The following DNER variants were observed in gnomAD, a reference collection of about 807,000 sequenced individuals.
DNER encodes delta and Notch-like epidermal growth factor-related receptor.
DNER carries 33 observed loss-of-function variants against 78.2 expected under a neutral mutation model. The ratio of observed to expected loss-of-function variants is 0.42; its 90% CI spans 0.32 to 0.56. The LOEUF is 0.56. DNER is among the 20% of genes least tolerant of loss of function. DNER has a pLI of 0.11. For missense variants in DNER, 918 were observed against 975.3 expected (o/e 0.94, Z 0.78); for synonymous variants, 417 against 384.8 (o/e 1.08, Z -0.98).
intron 4 of DNER, among the ~76,000 whole-genome samples, chr2:229,577,691 T>G (rs1697328463): frequency 6.6e-6 from 1 of 152,048 alleles, no homozygotes; most frequent in South Asian, 2.1e-4. Flanking sequence ...AGTTTTCTGA[T>G]CCAAAGGAGA....
chr2:229,427,921 A>G (rs1443786650), intron 8 of DNER, among the ~76,000 whole-genome samples: 1 of 152,008 alleles, frequency 6.6e-6, no homozygotes, highest in Non-Finnish European at 1.5e-5. Flanking sequence ...CTAAAAATGC[A>G]AAAATTAGCC....
rs150035332 is a variant in DNER, at chr2:229,366,910, C to T, written c.2065G>A (p.Glu689Lys). 9.9e-6 allele frequency: 16 copies of T among 1,614,062 alleles called. No homozygotes were observed. Among genetic ancestry groups the T allele is most frequent in the East Asian group, 4.5e-5 (2 of 44,896 alleles). Reference sequence around the variant, plus strand: ...ATGGATGCAATGGCATTGCTGAACTCGCTGTCGATGCTGCGGCAGTTGTAG... The same window carrying T: ...ATGGATGCAATGGCATTGCTGAACTTGCTGTCGATGCTGCGGCAGTTGTAG... ...EFYNCRSIDSEFSNAIASIRH... is the reference protein window; with the variant it reads ...EFYNCRSIDSKFSNAIASIRH... The change falls in exon 12 of 13, where the codon GAG (glutamate) becomes AAG (lysine). Residue 689 changes from glutamate to lysine, a missense_variant. By Grantham distance (56) the Glu-to-Lys change is moderately conservative (BLOSUM62 1). Coordinates refer to ENST00000341772, the MANE Select transcript of DNER (RefSeq NM_139072.4).
At chr2:229,571,657 C>T (rs565110609) in intron 4 of DNER, among the ~76,000 whole-genome samples, 1 of 152,234 alleles carries the variant, frequency 6.6e-6, no homozygotes, top group South Asian at 2.1e-4. Context: ...GCCAAAAACA[C>T]ATCCAAATGC....
chr2:229,657,754 T>G (rs1199197134), intron 1 of DNER, among the ~76,000 whole-genome samples: 1 of 152,212 alleles, frequency 6.6e-6, no homozygotes, highest in East Asian at 1.9e-4. Flanking sequence ...TCTCCATCTC[T>G]GAGAGCTAAA....
chr2:229,399,210 A>T (rs942123396), intron 10 of DNER, among the ~76,000 whole-genome samples: 5 of 151,946 alleles, frequency 3.3e-5, no homozygotes, highest in Admixed American at 2.0e-4. Flanking sequence ...AAGTTCAGCA[A>T]GGTCACAGGA....
At chr2:229,407,437 G>T in intron 9 of DNER, 92 bp from the exon 10 acceptor site, 2 of 1,102,734 alleles carry the variant, frequency 1.8e-6, no homozygotes, top group Non-Finnish European at 2.7e-6. Flanking sequence ...CTGGAACAAT[G>T]CGAGGGAGAT....
At chr2:229,596,224 G>A (rs1019899799) in intron 1 of DNER, among the ~76,000 whole-genome samples, 3 of 152,138 alleles carry the variant, frequency 2.0e-5, no homozygotes, top group Admixed American at 6.5e-5. Flanking sequence ...TTATATACAC[G>A]CAGCTGCCAG....
At chr2:229,609,675 C>T (rs757115264) in intron 1 of DNER, among the ~76,000 whole-genome samples, 5 of 152,166 alleles carry the variant, frequency 3.3e-5, no homozygotes, top group Non-Finnish European at 7.3e-5. Flanking sequence ...TCCTAACGTG[C>T]TGGTGGAGGG....
chr2:229,641,162 C>T (rs944523695), intron 1 of DNER, among the ~76,000 whole-genome samples: 26 of 152,250 alleles, frequency 1.7e-4, no homozygotes, highest in Non-Finnish European at 3.1e-4. Context: ...ACAGAAATAT[C>T]GGAAGTCAAC....
rs974615893 is a variant in DNER at position 229,546,864 on chromosome 2, A to G, written c.993+83T>C. 8.9e-6 allele frequency: 14 copies of G among 1,564,858 alleles called. No individual in the cohort carries two copies. The African/African-American group carries it at 1.5e-4, about 17-fold the overall frequency. Reference sequence around the variant, plus strand: ...AGATAGAGCAAGGATGAAAGGGGTAAGAACACACACATACTTATGTATTTA... The same window carrying G: ...AGATAGAGCAAGGATGAAAGGGGTAGGAACACACACATACTTATGTATTTA... On this transcript the variant is annotated intron_variant, in intron 5 of 12. Coordinates refer to ENST00000341772, the MANE Select transcript of DNER (RefSeq NM_139072.4).
rs137920884 is a variant in DNER, at chr2:229,567,136, G to A, written c.847+18722C>T. On this transcript the variant is annotated intron_variant, in intron 4 of 12. Coordinates refer to ENST00000341772, the MANE Select transcript of DNER (RefSeq NM_139072.4). ...CTGCCTACAAGGGGTTTTCCCCATT[G>A]CCTAGTTAATATCTCAGCCTAATAG... 7.7e-4 allele frequency among the ~76,000 whole-genome samples: 118 copies of A among 152,318 alleles called. 1 individual carries two copies. Among genetic ancestry groups the A allele is most frequent in the African/African-American group, 2.6e-3 (110 of 41,574 alleles).
At position 229,427,124 on chromosome 2, in the gene DNER, A is replaced by G. The variant is rs568661879; in HGVS notation, c.1487-8894T>C. Among the ~76,000 whole-genome samples, 4 of 152,370 alleles carry G rather than the reference A, an allele frequency of 2.6e-5. No individual in the cohort carries two copies. The East Asian group carries it at 7.7e-4, about 29-fold the overall frequency. ...AGGACTAAAGACAGAGGCTAAATTA[A>G]AGTTTTTGACTGTAAAACCTCCCTA... On this transcript the variant is annotated intron_variant, in intron 8 of 12. Coordinates refer to ENST00000341772, the MANE Select transcript of DNER (RefSeq NM_139072.4).
intron 1 of DNER, among the ~76,000 whole-genome samples, chr2:229,666,281 A>G (rs191492371): frequency 1.3e-3 from 204 of 152,256 alleles, no homozygotes; most frequent in Non-Finnish European, 2.4e-3. Context: ...GAAATGGAGG[A>G]CACTCTAGAA....
At chr2:229,485,784 A>G (rs1186601257) in intron 6 of DNER, among the ~76,000 whole-genome samples, 3 of 152,112 alleles carry the variant, frequency 2.0e-5, no homozygotes, top group Non-Finnish European at 4.4e-5. Flanking sequence ...GTTTTTGTGT[A>G]TGATGTTTAC....
intron 1 of DNER, among the ~76,000 whole-genome samples, chr2:229,680,057 C>T (rs1382302866): frequency 6.6e-6 from 1 of 152,196 alleles, no homozygotes; most frequent in East Asian, 1.9e-4. Flanking sequence ...CAAGCCCACA[C>T]AATCATGAAG....
intron 7 of DNER, among the ~76,000 whole-genome samples, chr2:229,451,801 G>T (rs145755347): frequency 1.3e-5 from 2 of 152,310 alleles, no homozygotes; most frequent in East Asian, 3.9e-4. Context: ...TATCCTGTTT[G>T]TGTCTTGGTG....
chr2:229,463,684 C>T (rs929117244), intron 7 of DNER, among the ~76,000 whole-genome samples: 8 of 152,164 alleles, frequency 5.3e-5, no homozygotes, highest in African/African-American at 7.2e-5. Flanking sequence ...AAGGGATCCT[C>T]GTGCTTTAGC....
intron 9 of DNER, among the ~76,000 whole-genome samples, chr2:229,417,142 C>T (rs957987581): frequency 6.6e-6 from 1 of 152,174 alleles, no homozygotes; most frequent in Non-Finnish European, 1.5e-5. Flanking sequence ...GGCCCAGCTT[C>T]AGCCCTCTTA....
At chr2:229,480,894 A>C (rs1695143425) in intron 6 of DNER, among the ~76,000 whole-genome samples, 1 of 152,262 alleles carries the variant, frequency 6.6e-6, no homozygotes, top group Non-Finnish European at 1.5e-5. Flanking sequence ...GTAATGCTCT[A>C]GACCCGTAAA....
Sources: allele counts gnomAD v4.1 joint callset (sites outside exome capture counted in the v4.1 genomes callset), GRCh38; gene constraint gnomAD v4.1.1; transcripts MANE v1.5; gene names NCBI Gene and HGNC (gene_info 2026-07-23, HGNC 2026-07-21).